The following SEPTIN11 variants were observed in gnomAD, a reference collection of about 807,000 sequenced individuals.
SEPTIN11 encodes septin-11.
In SEPTIN11, 25 loss-of-function variants were observed where a neutral mutation model predicts 51.4. The ratio of observed to expected loss-of-function variants is 0.49; its 90% CI spans 0.35 to 0.68. The LOEUF (loss-of-function observed/expected upper bound fraction) is 0.68, where lower values mean the gene tolerates loss of function less well. SEPTIN11 is among the 30% of genes least tolerant of loss of function. The probability of loss-of-function intolerance (pLI) is 0.00; values close to 1 mark genes in which losing one functional copy is unlikely to be tolerated. For synonymous variants in SEPTIN11, 174 were observed against 184.1 expected (o/e 0.95, Z 0.44); for missense variants, 381 against 520.8 (o/e 0.73, Z 2.61).
At position 76,950,716 on chromosome 4, in the gene SEPTIN11, GC is replaced by G. The variant is rs376826087; in HGVS notation, c.27+788del. Reference sequence around the variant, plus strand: ...CCGAGTGTGTGGGCCAAGGCGCCGCGCCTACTGGGTTGCAAGACTCGGTCCG... The same window carrying G: ...CCGAGTGTGTGGGCCAAGGCGCCGCGCTACTGGGTTGCAAGACTCGGTCCG... On this transcript the variant is annotated intron_variant, in intron 1 of 9. Transcript: ENST00000264893. 8.7e-4 allele frequency among the ~76,000 whole-genome samples: 133 copies of G among 152,276 alleles called. 3 individuals carry two copies. The South Asian group carries it at 0.027, about 31-fold the overall frequency.
intron 1 of SEPTIN11, among the ~76,000 whole-genome samples, chr4:76,983,363 C>T (rs1031556639): frequency 2.0e-5 from 3 of 152,140 alleles, no homozygotes; most frequent in South Asian, 2.1e-4. Context: ...CCTCTGACAG[C>T]GAGTAAGGAG....
At chr4:77,006,921 A>G (rs1724513592) in intron 3 of SEPTIN11, among the ~76,000 whole-genome samples, 1 of 152,248 alleles carries the variant, frequency 6.6e-6, no homozygotes. Flanking sequence ...TATTTTATCT[A>G]CAAAGCACTT....
chr4:76,959,392 T>C (rs1721722349), intron 1 of SEPTIN11, among the ~76,000 whole-genome samples: 1 of 151,774 alleles, frequency 6.6e-6, no homozygotes, highest in Non-Finnish European at 1.5e-5. Flanking sequence ...GAGGTTACAG[T>C]TATGAGCCAC....
At chr4:77,033,357 A>T (rs576032310) in intron 9 of SEPTIN11, among the ~76,000 whole-genome samples, 1 of 152,352 alleles carries the variant, frequency 6.6e-6, no homozygotes, top group East Asian at 1.9e-4. Flanking sequence ...GAAAAGGCAG[A>T]TGCTTACTTA....
intron 1 of SEPTIN11, among the ~76,000 whole-genome samples, chr4:76,965,133 T>C (rs1277008657): frequency 6.6e-6 from 1 of 152,078 alleles, no homozygotes. Context: ...GAGAGAAATG[T>C]TTTCATCATT....
intron 1 of SEPTIN11, among the ~76,000 whole-genome samples, chr4:76,981,386 G>A (rs1722764275): frequency 6.6e-6 from 1 of 152,204 alleles, no homozygotes; most frequent in Admixed American, 6.5e-5. Flanking sequence ...ATCAAGACAA[G>A]AAAGCCAGCA....
chr4:77,016,633 C>CACACACATATATATATATAT (rs1375044162), intron 5 of SEPTIN11, among the ~76,000 whole-genome samples: 1 of 72,746 alleles, frequency 1.4e-5, no homozygotes, highest in African/African-American at 5.2e-5. Context: ...TATATATACA[C>CACACACATATATATATATAT]ATATATATAT....
At chr4:77,027,660 C>T (rs1305395127) in intron 7 of SEPTIN11, among the ~76,000 whole-genome samples, 2 of 152,134 alleles carry the variant, frequency 1.3e-5, no homozygotes, top group Non-Finnish European at 2.9e-5. Flanking sequence ...AGATATACTG[C>T]AGATGGTTAA....
Position 77,011,871 on chromosome 4 carries a change from C to T in SEPTIN11, c.475C>T (p.His159Tyr). 6.2e-7 allele frequency: 1 copy of T among 1,614,100 alleles called. No homozygotes were observed. ...ACLYFIAPTG[H>Y]SLKSLDLVTM... ...CCTCTACTTTATTGCCCCTACTGGACATTCACTAAAGTCCCTGGATCTGGT... is the reference window on the plus strand; with the variant it reads ...CCTCTACTTTATTGCCCCTACTGGATATTCACTAAAGTCCCTGGATCTGGT... Residue 159 changes from histidine to tyrosine, a missense_variant, in exon 4 of 10, where the codon CAT becomes TAT. His to Tyr is a moderately conservative substitution (Grantham distance 83). This residue lies in a region of SEPTIN11 where 184 missense variants were observed against 207.7 expected (regional missense o/e 0.89). Coordinates refer to ENST00000264893, the MANE Select transcript of SEPTIN11 (RefSeq NM_018243.4).
chr4:77,033,360 C>A (rs535892071), intron 9 of SEPTIN11, among the ~76,000 whole-genome samples: 4 of 152,328 alleles, frequency 2.6e-5, no homozygotes, highest in African/African-American at 9.6e-5. Context: ...AAGGCAGATG[C>A]TTACTTATTT....
chr4:76,970,319 T>G (rs1285273609), intron 1 of SEPTIN11, among the ~76,000 whole-genome samples: 3 of 152,222 alleles, frequency 2.0e-5, no homozygotes, highest in African/African-American at 7.2e-5. Context: ...TTATTAATTT[T>G]TGTATCTTAA....
At chr4:76,975,715 C>T (rs111940848) in intron 1 of SEPTIN11, among the ~76,000 whole-genome samples, 20 of 152,280 alleles carry the variant, frequency 1.3e-4, no homozygotes, top group African/African-American at 4.3e-4. Flanking sequence ...AACTTATATA[C>T]CCCTAAAAGG....
At chr4:77,012,386 C>G (rs1249259944) in intron 4 of SEPTIN11, among the ~76,000 whole-genome samples, 2 of 152,154 alleles carry the variant, frequency 1.3e-5, no homozygotes, top group Non-Finnish European at 2.9e-5. Flanking sequence ...TCAGTGTGAT[C>G]CCTGAGCTTG....
At chr4:77,038,734 G>GCCATTTGAAGTCTACCAC, downstream of SEPTIN11, 1 of 811,732 alleles carries the variant, frequency 1.2e-6, no homozygotes, top group Non-Finnish European at 1.6e-6. Context: ...TCGTGTGGTA[G>GCCATTTGAAGTCTACCAC]ACTTCAAATG....
chr4:76,977,724 G>A (rs1006559084), intron 1 of SEPTIN11, among the ~76,000 whole-genome samples: 7 of 147,986 alleles, frequency 4.7e-5, no homozygotes, highest in African/African-American at 9.9e-5. Flanking sequence ...CAAAAGGTTC[G>A]TCTTTTTTTT....
intron 1 of SEPTIN11, among the ~76,000 whole-genome samples, chr4:76,952,335 T>A (rs1165370708): frequency 6.6e-6 from 1 of 152,106 alleles, no homozygotes; most frequent in Non-Finnish European, 1.5e-5. Context: ...TATGTGTGAA[T>A]GGAATTTCCC....
intron 2 of SEPTIN11, among the ~76,000 whole-genome samples, chr4:76,997,604 A>G (rs1723812377): frequency 6.6e-6 from 1 of 152,222 alleles, no homozygotes; most frequent in African/African-American, 2.4e-5. Context: ...TATCTTAAGC[A>G]CTGGATAAGA....
intron 1 of SEPTIN11, among the ~76,000 whole-genome samples, chr4:76,965,838 TA>T (rs1246101692): frequency 1.3e-5 from 2 of 152,216 alleles, no homozygotes; most frequent in Non-Finnish European, 2.9e-5. Context: ...TCTTAGGATT[TA>T]AAGGGAATGG....
At chr4:77,015,638 G>T (rs987628912) in intron 5 of SEPTIN11, among the ~76,000 whole-genome samples, 1 of 152,210 alleles carries the variant, frequency 6.6e-6, no homozygotes, top group East Asian at 1.9e-4. Flanking sequence ...TCAGCTGTGA[G>T]CTGCAATGAC....
Sources: allele counts gnomAD v4.1 joint callset (sites outside exome capture counted in the v4.1 genomes callset), GRCh38; gene constraint gnomAD v4.1.1; regional missense constraint gnomAD v4.1.1; transcripts MANE v1.5; gene names NCBI Gene and HGNC (gene_info 2026-07-23, HGNC 2026-07-21).